NXN: variants seen among roughly 807,000 people sequenced by gnomAD.
NXN encodes nucleoredoxin 1.
NXN carries 16 observed loss-of-function variants against 48.6 expected under a neutral mutation model. The ratio of observed to expected loss-of-function variants is 0.33; its 90% CI spans 0.22 to 0.50. NXN has a LOEUF of 0.50. Among genes scored for constraint, NXN ranks in the 20% least tolerant of loss-of-function variants. The probability of loss-of-function intolerance (pLI) is 0.98; values close to 1 mark genes in which losing one functional copy is unlikely to be tolerated. For missense variants in NXN, 492 were observed against 605.5 expected (o/e 0.81, Z 1.97); for synonymous variants, 281 against 269.6 (o/e 1.04, Z -0.41).
At position 914,552 on chromosome 17, in the gene NXN, T is replaced by C. The variant is rs530188969; in HGVS notation, c.360+64767A>G. 6.1e-5 allele frequency among the ~76,000 whole-genome samples: 9 copies of C among 148,528 alleles called. No individual in the cohort carries two copies. The East Asian group carries it at 1.7e-3, about 27-fold the overall frequency. On this transcript the variant is annotated intron_variant, in intron 1 of 7. Coordinates refer to ENST00000336868, the MANE Select transcript of NXN (RefSeq NM_022463.5). ...AAAGGCAAACACCGAGGTCTGTAAT[T>C]GGTAGCGCAAGCAAGGTTCCTAGAG...
chr17:871,830 C>T (rs1245627904), intron 1 of NXN, among the ~76,000 whole-genome samples: 3 of 152,050 alleles, frequency 2.0e-5, no homozygotes, highest in South Asian at 4.1e-4. Flanking sequence ...AACAGTTACC[C>T]GCAAGCTTGC....
At chr17:908,685 A>G (rs1048005910) in intron 1 of NXN, among the ~76,000 whole-genome samples, 1 of 152,232 alleles carries the variant, frequency 6.6e-6, no homozygotes, top group East Asian at 1.9e-4. Context: ...AGCTCCTTCC[A>G]TCCCATGAGC....
In NXN at chr17:884,093, C is replaced by T. The variant is rs372838157; in HGVS notation, c.361-58015G>A. Among the ~76,000 whole-genome samples, 140 of 152,066 alleles carry T rather than the reference C, an allele frequency of 9.2e-4. 1 individual carries two copies. Among genetic ancestry groups the T allele is most frequent in the Middle Eastern group, 3.4e-3 (1 of 294 alleles). On this transcript the variant is annotated intron_variant, in intron 1 of 7. Coordinates refer to ENST00000336868, the MANE Select transcript of NXN (RefSeq NM_022463.5). ...AAAGTTAGCCGGGCGTGGTGGTGGG[C>T]GCCTGTGGTCCCAGCTACTTGAGAG... is the stretch of plus-strand genomic sequence containing the variant.
intron 1 of NXN, among the ~76,000 whole-genome samples, chr17:946,413 C>G (rs933290824): frequency 6.6e-6 from 1 of 152,140 alleles, no homozygotes; most frequent in Non-Finnish European, 1.5e-5. Flanking sequence ...GTGATCCGCC[C>G]GCCTAGGCCT....
At chr17:893,567 CGGAAGCCAGAGGAAGCATCTCAACTCCCT>C (rs2068446841) in intron 1 of NXN, among the ~76,000 whole-genome samples, 4 of 149,982 alleles carry the variant, frequency 2.7e-5, no homozygotes, top group Non-Finnish European at 5.9e-5. Context: ...TCTCAACCTC[CGGAAGCCAGAGGAAGCATCTCAACTCCCT>C]GGAAGCCAGA....
chr17:872,472 G>A (rs1434765854), intron 1 of NXN, among the ~76,000 whole-genome samples: 1 of 150,548 alleles, frequency 6.6e-6, no homozygotes, highest in Non-Finnish European at 1.5e-5. Context: ...TCAATCAAAG[G>A]CAAGGAGAGA....
intron 1 of NXN, among the ~76,000 whole-genome samples, chr17:835,181 G>A (rs1255834352): frequency 2.0e-5 from 3 of 151,592 alleles, no homozygotes; most frequent in Non-Finnish European, 4.4e-5. Flanking sequence ...GGTGACGGGT[G>A]CCTGTACTCC....
chr17:874,477 G>A (rs959775259), intron 1 of NXN, among the ~76,000 whole-genome samples: 29 of 152,308 alleles, frequency 1.9e-4, no homozygotes, highest in Non-Finnish European at 3.2e-4. Flanking sequence ...CCAGCTACTC[G>A]GGAGGCTGAC....
At chr17:831,440 G>A (rs2144671415) in intron 1 of NXN, among the ~76,000 whole-genome samples, 1 of 143,080 alleles carries the variant, frequency 7.0e-6, no homozygotes. Flanking sequence ...GATACTGAGG[G>A]CCGACTTTAT....
intron 1 of NXN, among the ~76,000 whole-genome samples, chr17:907,340 CTA>C (rs1377474946): frequency 2.8e-4 from 19 of 66,786 alleles, no homozygotes; most frequent in Middle Eastern, 0.01. Flanking sequence ...GTCTCAATAC[CTA>C]TTTTTTTTTT....
In NXN at chr17:920,494, A is replaced by T. The variant is rs1055540634; in HGVS notation, c.360+58825T>A. On this transcript the variant is annotated intron_variant, in intron 1 of 7. Coordinates refer to ENST00000336868, the MANE Select transcript of NXN (RefSeq NM_022463.5). This position sits in a 1 kb window ranked among gnomAD's most constrained non-coding sequence, Gnocchi z 4.6. ...CTCCCAGGGTTCCGCTCCCTCCCCA[A>T]GTGACCAGCCCTCACCAGCTCACTC... Among the ~76,000 whole-genome samples the T allele has an allele frequency of 6.6e-6, 1 of 151,796 alleles. No individual in the cohort carries two copies. Among genetic ancestry groups the T allele is most frequent in the African/African-American group, 2.4e-5 (1 of 41,280 alleles).
intron 1 of NXN, among the ~76,000 whole-genome samples, chr17:966,210 C>A (rs371526233): frequency 6.6e-6 from 1 of 152,080 alleles, no homozygotes; most frequent in Admixed American, 6.6e-5. Context: ...CTTGTCCAAC[C>A]CACAGCACGC....
intron 1 of NXN, among the ~76,000 whole-genome samples, chr17:888,690 C>T (rs570279315): frequency 7.1e-4 from 108 of 151,784 alleles, no homozygotes; most frequent in Non-Finnish European, 1.3e-3. Context: ...TGTGGTGGCT[C>T]GCACCTGTAA....
At chr17:945,241 C>T (rs182566771) in intron 1 of NXN, among the ~76,000 whole-genome samples, 1,811 of 151,766 alleles carry the variant, frequency 0.012, 38 homozygotes, top group African/African-American at 0.041. Flanking sequence ...GCCACCACGC[C>T]CGGCTAATTT....
At chr17:979,285 G>GCGGGCAGGGGTAACGGGCGTGGGGGA in intron 1 of NXN, 34 bp downstream of exon 1, 2 of 1,339,304 alleles carry the variant, frequency 1.5e-6, no homozygotes, top group Non-Finnish European at 9.7e-7. Context: ...GGCGTGGGGG[G>GCGGGCAGGGGTAACGGGCGTGGGGGA]CGGGCAGGGG....
intron 1 of NXN, among the ~76,000 whole-genome samples, chr17:844,356 G>A (rs1212103141): frequency 1.5e-5 from 2 of 135,666 alleles, no homozygotes; most frequent in South Asian, 4.8e-4. Flanking sequence ...CATACGTCCC[G>A]TCCTGCCCTC....
Position 915,424 on chromosome 17 carries a change from C to T in NXN, c.360+63895G>A, listed in dbSNP as rs140412682. ...TCCGCCTCCCAAGTAGCTGGGACTA[C>T]GGGAGTGTGCCATCACACCCAGCTA... On this transcript the variant is annotated intron_variant, in intron 1 of 7. Coordinates refer to ENST00000336868, the MANE Select transcript of NXN (RefSeq NM_022463.5). Among the ~76,000 whole-genome samples, 989 of 152,230 alleles carry T rather than the reference C, an allele frequency of 6.5e-3. 6 individuals carry two copies. The highest frequency in any genetic ancestry group is 0.023 in the African/African-American group (935 of 41,530).
At chr17:805,427 C>G (rs914682855) in intron 5 of NXN, among the ~76,000 whole-genome samples, 180 bp from the exon 6 acceptor site, 3 of 152,170 alleles carry the variant, frequency 2.0e-5, no homozygotes, top group African/African-American at 7.2e-5. Flanking sequence ...GAATCCAGGC[C>G]TGGCCAGGGG....
chr17:893,143 G>A (rs964447602), intron 1 of NXN, among the ~76,000 whole-genome samples: 2 of 152,250 alleles, frequency 1.3e-5, no homozygotes, highest in Non-Finnish European at 2.9e-5. Flanking sequence ...GGGAGAACAC[G>A]CCTACGCAGG....
Sources: allele counts gnomAD v4.1 joint callset (sites outside exome capture counted in the v4.1 genomes callset), GRCh38; gene constraint gnomAD v4.1.1; non-coding constraint Gnocchi (gnomAD v3.1); transcripts MANE v1.5; gene names NCBI Gene and HGNC (gene_info 2026-07-23, HGNC 2026-07-21).